FCRL3: variants seen among roughly 807,000 people sequenced by gnomAD.
FCRL3 encodes Fc receptor like 3.
FCRL3 carries 89 observed loss-of-function variants against 75.0 expected under a neutral mutation model. That is an observed-to-expected ratio of 1.19 (90% CI 1.00 to 1.42). The LOEUF (loss-of-function observed/expected upper bound fraction) is 1.42. Among genes scored for constraint, FCRL3 ranks in the 40% most tolerant of loss-of-function variants. The pLI is 0.00. For synonymous variants in FCRL3, 376 were observed against 348.5 expected, an observed-to-expected ratio of 1.08 and a Z score of -0.88; for missense variants, 946 against 880.0, an observed-to-expected ratio of 1.07 and a Z score of -0.95.
chr1:157,689,704 A>G, intron 10 of FCRL3, 94 bp downstream of exon 10: 1 of 1,526,746 alleles, frequency 6.5e-7, no homozygotes. Context: ...AGTACTTGGA[A>G]GGGAATACTT....
chr1:157,678,539 AAC>A lies in FCRL3; in HGVS notation c.*169_*170del, dbSNP rs1415056850. 5 of 1,458,088 alleles carry A rather than the reference AAC, an allele frequency of 3.4e-6. No individual in the cohort carries two copies. The Admixed American group carries it at 1.3e-4, about 39-fold the overall frequency. 90.3% of individuals were successfully genotyped at this position (1,458,088 alleles called of 1,614,324 possible). On this transcript the variant is annotated 3_prime_UTR_variant, in exon 15 of 15. Transcript: ENST00000368184. ...GAGGCTGCCTGCTCTCTTCCTGGGG[AAC>A]ACACAGATCAGGCACAGGGGAGATT...
chr1:157,685,704 T>C (rs1239751783), intron 10 of FCRL3, among the ~76,000 whole-genome samples: 3 of 152,128 alleles, frequency 2.0e-5, no homozygotes, highest in African/African-American at 7.2e-5. Flanking sequence ...TGCTGGGCCA[T>C]AAAGCAGATA....
At chr1:157,679,828 CACAAAAAAAAAAA>C (rs1334459843) in intron 13 of FCRL3, among the ~76,000 whole-genome samples, 1,820 of 27,894 alleles carry the variant, frequency 0.065, 68 homozygotes, top group African/African-American at 0.13. Flanking sequence ...GACCCCATCT[CACAAAAAAAAAAA>C]AAAAAAAAAA....
At position 157,696,039 on chromosome 1, in the gene FCRL3, C is replaced by A. The variant is rs1655876267; in HGVS notation, c.1132+1G>T. 6.2e-7 allele frequency: 1 copy of A among 1,606,126 alleles called. No individual in the cohort carries two copies. The highest frequency in any genetic ancestry group is 8.5e-7 in the Non-Finnish European group (1 of 1,176,052). ...GCTGTGTGAAAGGAATCGGAACTTA[C>A]TTCTCACGGTGACTCGAATCCACGT... On this transcript the variant is annotated splice_donor_variant, in intron 7 of 14. Transcript: ENST00000368184. LOFTEE classifies it high-confidence loss of function.
Position 157,678,799 on chromosome 1 carries a change from C to T in FCRL3, c.2116G>A (p.Glu706Lys). 3.1e-6 allele frequency: 5 copies of T among 1,614,042 alleles called. No individual in the cohort carries two copies. Among genetic ancestry groups the T allele is most frequent in the African/African-American group, 1.3e-5 (1 of 75,002 alleles). The change falls in exon 15 of 15, where the codon GAG becomes AAG. Residue 706 changes from glutamate to lysine, a missense_variant. By Grantham distance (56) the Glu-to-Lys change is moderately conservative. Transcript: ENST00000368184. ...KKTHPDDSAG[E>K]ASSRGRAHEE... ...TGGGCCCTGCCTCTGCTGCTAGCCT[C>T]CCCTGCAGAGTCGTCTGGGTGTGTC... is the stretch of plus-strand genomic sequence containing the variant.
chr1:157,678,310 G>T lies in FCRL3; in HGVS notation c.*400C>A. 9.9e-7 allele frequency: 1 copy of T among 1,012,156 alleles called. No homozygotes were observed. The highest frequency in any genetic ancestry group is 1.7e-5 in the African/African-American group (1 of 58,136). The allele number at this position is 1,012,156 out of a possible 1,614,324, so 62.7% of individuals were successfully genotyped here. ...GCCACTACCAGCCACACAAAAAAGG[G>T]AAACAAAATATTTGGAGCAAATTGT... On this transcript the variant is annotated 3_prime_UTR_variant, in exon 15 of 15. Transcript: ENST00000368184.
In FCRL3 at chr1:157,678,790, T is replaced by C. The variant is rs1022875225; in HGVS notation, c.2125A>G (p.Ser709Gly). Residue 709 changes from serine to glycine, a missense_variant, in exon 15 of 15, where the codon AGC becomes GGC. Transcript: ENST00000368184. ...HPDDSAGEAS[S>G]RGRAHEEDDE... Reference sequence around the variant, plus strand: ...TCTTCTTCATGGGCCCTGCCTCTGCTGCTAGCCTCCCCTGCAGAGTCGTCT... The same window carrying C: ...TCTTCTTCATGGGCCCTGCCTCTGCCGCTAGCCTCCCCTGCAGAGTCGTCT... 6.2e-7 allele frequency: 1 copy of C among 1,613,978 alleles called. No homozygotes were observed. The highest frequency in any genetic ancestry group is 1.7e-5 in the Admixed American group (1 of 59,962).
At position 157,683,253 on chromosome 1, in the gene FCRL3, C is replaced by T; in HGVS notation, c.1811-9G>A. 6.2e-7 allele frequency: 1 copy of T among 1,613,406 alleles called. No homozygotes were observed. The highest frequency in any genetic ancestry group is 8.5e-7 in the Non-Finnish European group (1 of 1,179,710). On this transcript the variant is annotated splice_polypyrimidine_tract_variant and intron_variant, in intron 10 of 14. Transcript: ENST00000368184. Reference sequence around the variant, plus strand: ...AGTGGCAGAAAGTCCTCCTGCAAAACAAACAAAGGAAGGTTGGTGGTAAGT... The same window carrying T: ...AGTGGCAGAAAGTCCTCCTGCAAAATAAACAAAGGAAGGTTGGTGGTAAGT...
intron 8 of FCRL3, among the ~76,000 whole-genome samples, chr1:157,692,407 C>A (rs1306789766): frequency 6.6e-6 from 1 of 151,754 alleles, no homozygotes; most frequent in Non-Finnish European, 1.5e-5. Flanking sequence ...CCTTGCTATT[C>A]TTTTGTATTT....
chr1:157,700,759 T>C lies in FCRL3; in HGVS notation c.-194A>G. 1.5e-6 allele frequency: 2 copies of C among 1,326,300 alleles called. No homozygotes were observed. The highest frequency in any genetic ancestry group is 5.7e-5 in the East Asian group (2 of 35,068). The allele number at this position is 1,326,300 out of a possible 1,614,324, so 82.2% of individuals were successfully genotyped here. On this transcript the variant is annotated 5_prime_UTR_variant, in exon 1 of 15. Coordinates refer to ENST00000368184, the MANE Select transcript of FCRL3 (RefSeq NM_052939.4). ...GCTGCAGTCTCTCAGGAGTAATGTC[T>C]CCAAGACTGTGCCTGGGTTCTCTAG... is the stretch of plus-strand genomic sequence containing the variant.
At position 157,678,282 on chromosome 1, in the gene FCRL3, A is replaced by C. The variant is rs1440143169; in HGVS notation, c.*428T>G. On this transcript the variant is annotated 3_prime_UTR_variant, in exon 15 of 15. Transcript: ENST00000368184. ...ACAGCATATACACCAAAACATCAGC[A>C]ATGCCACTACCAGCCACACAAAAAA... 3.0e-6 allele frequency: 3 copies of C among 1,009,446 alleles called. No homozygotes were observed. Among genetic ancestry groups the C allele is most frequent in the African/African-American group, 3.5e-5 (2 of 57,926 alleles). 62.5% of individuals were successfully genotyped at this position (1,009,446 alleles called of 1,614,324 possible). A position where few individuals can be genotyped will look rare whatever the true frequency, so the allele number is the denominator to read the frequency against.
At chr1:157,679,783 C>T (rs367790301) in intron 13 of FCRL3, among the ~76,000 whole-genome samples, 6 of 129,894 alleles carry the variant, frequency 4.6e-5, no homozygotes, top group African/African-American at 1.7e-4. Context: ...GAGCCAAGAT[C>T]GCACTGCTGC....
Position 157,676,986 on chromosome 1 carries a change from C to T in FCRL3, c.*1724G>A. 7.4e-7 allele frequency: 1 copy of T among 1,348,824 alleles called. No individual in the cohort carries two copies. Among genetic ancestry groups the T allele is most frequent in the Non-Finnish European group, 9.6e-7 (1 of 1,045,998 alleles). The allele number at this position is 1,348,824 out of a possible 1,614,324, so 83.6% of individuals were successfully genotyped here. Reference sequence around the variant, plus strand: ...GAATGTATCACATAGAAGACAGAGACATTTGCCTCCTCCCTCTTCAAGGGA... The same window carrying T: ...GAATGTATCACATAGAAGACAGAGATATTTGCCTCCTCCCTCTTCAAGGGA... On this transcript the variant is annotated 3_prime_UTR_variant, in exon 15 of 15. Transcript: ENST00000368184.
In FCRL3 at chr1:157,687,440, C is replaced by T. The variant is rs879766427; in HGVS notation, c.1810+2358G>A. Among the ~76,000 whole-genome samples, 21 of 113,252 alleles carry T rather than the reference C, an allele frequency of 1.9e-4. 1 individual carries two copies. The highest frequency in any genetic ancestry group is 1.3e-3 in the Admixed American group (11 of 8,382). 74.3% of individuals were successfully genotyped at this position (113,252 alleles called of 152,430 possible). On this transcript the variant is annotated intron_variant, in intron 10 of 14. Transcript: ENST00000368184. ...ACCTAGTAATTCTGTTATTGGTATA[C>T]GCTCACAAAAAAATAAATCATTCTG...
At chr1:157,679,489 G>A (rs1252322761) in intron 13 of FCRL3, among the ~76,000 whole-genome samples, 2 of 152,110 alleles carry the variant, frequency 1.3e-5, no homozygotes, top group Non-Finnish European at 2.9e-5. Context: ...AGTTGCATTG[G>A]AGCATTGAGA....
At chr1:157,681,410 A>T (rs1207175294) in intron 11 of FCRL3, among the ~76,000 whole-genome samples, 8 of 98,444 alleles carry the variant, frequency 8.1e-5, no homozygotes, top group Non-Finnish European at 1.5e-4. Flanking sequence ...ACCCCAAAAC[A>T]GTCCCCAGAG....
chr1:157,698,326 G>T, intron 4 of FCRL3, 58 bp downstream of exon 4: 1 of 1,600,374 alleles, frequency 6.2e-7, no homozygotes, highest in Non-Finnish European at 8.5e-7. Flanking sequence ...GCATTAACCC[G>T]GCCCTCAGGC....
chr1:157,685,573 C>A (rs1655126872), intron 10 of FCRL3, among the ~76,000 whole-genome samples: 2 of 152,038 alleles, frequency 1.3e-5, no homozygotes, highest in African/African-American at 4.8e-5. Context: ...AGAAAACTGA[C>A]AAAGAAACTT....
At position 157,697,165 on chromosome 1, in the gene FCRL3, G is replaced by T. The variant is rs543690819; in HGVS notation, c.819C>A (p.Ser273Arg). 2.0e-6 allele frequency: 3 copies of T among 1,510,076 alleles called. No individual in the cohort carries two copies. Among genetic ancestry groups the T allele is most frequent in the South Asian group, 2.7e-5 (2 of 72,902 alleles). 93.5% of individuals were successfully genotyped at this position (1,510,076 alleles called of 1,614,324 possible). A position where few individuals can be genotyped will look rare whatever the true frequency, so the allele number is the denominator to read the frequency against. The change falls in exon 6 of 15, where the codon AGC (serine) becomes AGA (arginine). Residue 273 changes from serine to arginine, a missense_variant. By Grantham distance (110) the Ser-to-Arg change is moderately radical. Transcript: ENST00000368184. The stretch of plus-strand genomic sequence containing the variant: ...TCTGTACACGTATCTGAGATCTCAG[G>T]CTCCTTTTTTTGATGCTGTGAGTCA... ...ETVTHSIKKRSLRSQIRVQRV... is the reference protein window; with the variant it reads ...ETVTHSIKKRRLRSQIRVQRV...
Sources: allele counts gnomAD v4.1 joint callset (sites outside exome capture counted in the v4.1 genomes callset), GRCh38; gene constraint gnomAD v4.1.1; transcripts MANE v1.5; gene names NCBI Gene and HGNC (gene_info 2026-07-23, HGNC 2026-07-21).